BTBD9: variants seen among roughly 807,000 people sequenced by gnomAD.
The protein encoded by BTBD9 is BTB/POZ domain-containing protein 9.
In BTBD9, 49 loss-of-function variants were observed where a neutral mutation model predicts 64.3. The ratio of observed to expected loss-of-function variants is 0.76; its 90% CI spans 0.61 to 0.97. BTBD9 has a LOEUF of 0.97. Ranked by LOEUF, BTBD9 falls within the 50% of genes least tolerant of loss-of-function variation. BTBD9 has a pLI of 0.00. For synonymous variants in BTBD9, 260 were observed against 274.7 expected, an observed-to-expected ratio of 0.95 and a Z score of 0.53; for missense variants, 598 against 762.1, an observed-to-expected ratio of 0.78 and a Z score of 2.53.
At chr6:38,370,272 A>C (rs1305446393) in intron 6 of BTBD9, among the ~76,000 whole-genome samples, 1 of 152,210 alleles carries the variant, frequency 6.6e-6, no homozygotes, top group Non-Finnish European at 1.5e-5. Flanking sequence ...TTTTGTGTAA[A>C]TGGTAGGGCA....
chr6:38,352,362 G>A (rs1368858468), intron 6 of BTBD9, among the ~76,000 whole-genome samples: 1 of 151,328 alleles, frequency 6.6e-6, no homozygotes, highest in Non-Finnish European at 1.5e-5. Flanking sequence ...GGGTGACAAA[G>A]TGAAACTCTG....
chr6:38,343,137 G>A (rs1278658478), intron 7 of BTBD9, among the ~76,000 whole-genome samples: 2 of 152,232 alleles, frequency 1.3e-5, no homozygotes, highest in African/African-American at 2.4e-5. Flanking sequence ...AAGAGTGCTT[G>A]AAGAGTGTTT....
At chr6:38,437,698 G>A (rs138746527) in intron 6 of BTBD9, among the ~76,000 whole-genome samples, 23 of 152,212 alleles carry the variant, frequency 1.5e-4, no homozygotes, top group Middle Eastern at 3.4e-3. Context: ...CAGAGTTCAC[G>A]TAGAGAAGAA....
chr6:38,472,858 T>G (rs1347544457), intron 6 of BTBD9, among the ~76,000 whole-genome samples: 1 of 152,178 alleles, frequency 6.6e-6, no homozygotes, highest in African/African-American at 2.4e-5. Flanking sequence ...TATGATTTCT[T>G]GGGGGAAAAT....
At chr6:38,631,454 C>A (rs767898791) in intron 1 of BTBD9, among the ~76,000 whole-genome samples, 4 of 152,228 alleles carry the variant, frequency 2.6e-5, no homozygotes, top group Non-Finnish European at 5.9e-5. Flanking sequence ...CACGTTATAA[C>A]AAATCAAATA....
chr6:38,338,883 A>C (rs140813124), intron 7 of BTBD9, among the ~76,000 whole-genome samples: 1 of 152,348 alleles, frequency 6.6e-6, no homozygotes, highest in East Asian at 1.9e-4. Flanking sequence ...TTTCTCTCCT[A>C]AGAGAAATGC....
chr6:38,273,837 CAGGAGAGA>C (rs1230576653), intron 8 of BTBD9, among the ~76,000 whole-genome samples: 2 of 152,210 alleles, frequency 1.3e-5, no homozygotes, highest in African/African-American at 2.4e-5. Context: ...GGAGAAGAGT[CAGGAGAGA>C]TGGAGGAGAG....
At chr6:38,265,241 T>C (rs953123673) in intron 8 of BTBD9, among the ~76,000 whole-genome samples, 1 of 152,066 alleles carries the variant, frequency 6.6e-6, no homozygotes, top group Non-Finnish European at 1.5e-5. Flanking sequence ...ACATTTTGGC[T>C]CCACTGTGTA....
chr6:38,416,340 T>G (rs1767665034), intron 6 of BTBD9, among the ~76,000 whole-genome samples: 1 of 150,042 alleles, frequency 6.7e-6, no homozygotes, highest in African/African-American at 2.4e-5. Context: ...CTCTGTACTT[T>G]TTTTTTTTTT....
intron 6 of BTBD9, among the ~76,000 whole-genome samples, chr6:38,430,825 A>T (rs1768409955): frequency 6.6e-6 from 1 of 151,922 alleles, no homozygotes; most frequent in African/African-American, 2.4e-5. Flanking sequence ...TTTCATTCCC[A>T]TCACTCCACT....
chr6:38,551,001 G>A (rs1443305588), intron 6 of BTBD9, among the ~76,000 whole-genome samples: 1 of 152,148 alleles, frequency 6.6e-6, no homozygotes, highest in African/African-American at 2.4e-5. Context: ...CCCTCAGCCT[G>A]GAACACTCTT....
rs1283775950 is a variant in BTBD9, at chr6:38,309,261, T to C, written c.1265-20800A>G. 6.0e-5 allele frequency among the ~76,000 whole-genome samples: 9 copies of C among 150,460 alleles called. No individual in the cohort carries two copies. The East Asian group carries it at 1.7e-3, about 28-fold the overall frequency. On this transcript the variant is annotated intron_variant, in intron 7 of 10. Coordinates refer to ENST00000481247, the MANE Select transcript of BTBD9 (RefSeq NM_001099272.2). ...GGTGGGCGCCTATAATCCCAGCTAC[T>C]TGGAAGGCTGAGGCAGGAGAATTGC...
chr6:38,328,627 A>G (rs1359735837), intron 7 of BTBD9, among the ~76,000 whole-genome samples: 1 of 125,988 alleles, frequency 7.9e-6, no homozygotes, highest in Non-Finnish European at 1.6e-5. Context: ...TGGCTGTCCT[A>G]GCAAATTCAT....
At chr6:38,306,734 G>T (rs1211487031) in intron 7 of BTBD9, among the ~76,000 whole-genome samples, 27 of 152,200 alleles carry the variant, frequency 1.8e-4, no homozygotes, top group Non-Finnish European at 2.1e-4. Context: ...TATATTTAAA[G>T]ATAAGACTGA....
chr6:38,444,524 C>T (rs1308336646), intron 6 of BTBD9, among the ~76,000 whole-genome samples: 8 of 152,106 alleles, frequency 5.3e-5, no homozygotes, highest in Admixed American at 3.9e-4. Flanking sequence ...AAGTATCCTA[C>T]GGCCTAGTGA....
At chr6:38,425,739 CACTACCAATAACTAAAAAAAAAAA>C (rs1768113430) in intron 6 of BTBD9, among the ~76,000 whole-genome samples, 1 of 149,908 alleles carries the variant, frequency 6.7e-6, no homozygotes, top group Non-Finnish European at 1.5e-5. Flanking sequence ...GAGACCCCAT[CACTACCAATAACTAAAAAAAAAAA>C]AAAATTAGCA....
chr6:38,560,407 CTT>C (rs1234200606), intron 6 of BTBD9, among the ~76,000 whole-genome samples: 1 of 152,060 alleles, frequency 6.6e-6, no homozygotes, highest in Non-Finnish European at 1.5e-5. Context: ...TTATTTTTGA[CTT>C]GTCAGAAATC....
chr6:38,302,107 A>G (rs982818318), intron 7 of BTBD9, among the ~76,000 whole-genome samples: 2 of 152,166 alleles, frequency 1.3e-5, no homozygotes, highest in African/African-American at 4.8e-5. Context: ...CGTCTCATAC[A>G]TTTAACATTT....
intron 1 of BTBD9, among the ~76,000 whole-genome samples, chr6:38,606,300 C>T (rs1777431197): frequency 6.6e-6 from 1 of 152,166 alleles, no homozygotes; most frequent in Admixed American, 6.5e-5. Context: ...TTCATATATA[C>T]ATCTATCCTA....
Sources: gnomAD v4.1 joint callset for allele counts (sites outside exome capture counted in the v4.1 genomes callset) on GRCh38, gnomAD v4.1.1 for gene constraint, MANE v1.5 for transcripts, NCBI Gene and HGNC (gene_info 2026-07-23, HGNC 2026-07-21) for gene names.